The following UBA2 variants were observed in gnomAD, a reference collection of about 807,000 sequenced individuals.
The protein encoded by UBA2 is ubiquitin like modifier activating enzyme 2.
In UBA2, 11 loss-of-function variants were observed where a neutral mutation model predicts 77.2. That is an observed-to-expected ratio of 0.14 (90% CI 0.09 to 0.24). The LOEUF is 0.24. Ranked by LOEUF, UBA2 falls within the 10% of genes least tolerant of loss-of-function variation. UBA2 has a pLI of 1.00. For missense variants in UBA2, 487 were observed against 781.7 expected (o/e 0.62, Z 4.50); for synonymous variants, 278 against 276.7 (o/e 1.00, Z -0.05).
At chr19:34,434,565 G>GAA (rs1287790219) in intron 4 of UBA2, among the ~76,000 whole-genome samples, 5 of 152,188 alleles carry the variant, frequency 3.3e-5, no homozygotes, top group African/African-American at 7.2e-5. Flanking sequence ...GGAACACCTT[G>GAA]AAACAGTGTT....
At chr19:34,459,849 A>G (rs2075611279) in intron 13 of UBA2, among the ~76,000 whole-genome samples, 1 of 152,156 alleles carries the variant, frequency 6.6e-6, no homozygotes, top group Non-Finnish European at 1.5e-5. Flanking sequence ...ATTTGAGCTT[A>G]TGTTTTGGTC....
In UBA2 at chr19:34,460,435, G is replaced by A. The variant is rs753868994; in HGVS notation, c.1402-35G>A. On this transcript the variant is annotated intron_variant, in intron 13 of 16. Coordinates refer to ENST00000246548, the MANE Select transcript of UBA2 (RefSeq NM_005499.3). ...TTTCTTATGATCTTTAATTACCTAC[G>A]TTAATATTTTGAATCCTTTTTTTTT... The A allele has an allele frequency of 1.0e-5, 14 of 1,333,842 alleles. No individual in the cohort carries two copies. The Admixed American group carries it at 1.3e-4, about 12-fold the overall frequency. 82.6% of individuals were successfully genotyped at this position (1,333,842 alleles called of 1,614,324 possible).
At chr19:34,467,118 GGT>G in intron 16 of UBA2, 104 bp downstream of exon 16, 1 of 1,336,792 alleles carries the variant, frequency 7.5e-7, no homozygotes, top group Non-Finnish European at 1.0e-6. Flanking sequence ...AACTACTAGA[GGT>G]GTGTATTGGT....
At chr19:34,466,771 C>T in intron 15 of UBA2, 107 bp from the exon 16 acceptor site, 1 of 790,968 alleles carries the variant, frequency 1.3e-6, no homozygotes, top group Non-Finnish European at 1.9e-6. Flanking sequence ...TTAGAATCCA[C>T]ATATTTGGTG....
rs767467878 is a variant in UBA2 at position 34,452,136 on chromosome 19, A to C, written c.1027A>C (p.Ile343Leu). The change falls in exon 10 of 17, where the codon ATA (isoleucine) becomes CTA (leucine). Residue 343 changes from isoleucine to leucine, a missense_variant. By Grantham distance (5) the Ile-to-Leu change is conservative. Around this residue, in one of 9 missense-constraint regions of UBA2, gnomAD observed 300 missense variants for 454.3 expected, o/e 0.66. Coordinates refer to ENST00000246548, the MANE Select transcript of UBA2 (RefSeq NM_005499.3). ...AGAAAAGGGGGATGGAGCTGAGCTC[A>C]TATGGGATAAGGTTCGTTTTGACAA... ...LAEKGDGAEL[I>L]WDKDDPSAMD... The C allele has an allele frequency of 1.9e-6, 3 of 1,600,230 alleles. No homozygotes were observed. The Admixed American group carries it at 5.1e-5, about 27-fold the overall frequency.
chr19:34,457,740 A>G (rs2075584145), intron 12 of UBA2, among the ~76,000 whole-genome samples: 1 of 152,152 alleles, frequency 6.6e-6, no homozygotes, highest in South Asian at 2.1e-4. Context: ...TGTAGTCACA[A>G]GATAAAGGTT....
chr19:34,459,125 G>A (rs1019498633), intron 13 of UBA2, among the ~76,000 whole-genome samples: 1 of 152,192 alleles, frequency 6.6e-6, no homozygotes, highest in Non-Finnish European at 1.5e-5. Context: ...CCAGAATGGA[G>A]TAGGAGTATT....
chr19:34,454,407 A>T (rs1213315604), intron 11 of UBA2, 37 bp from the exon 12 acceptor site: 2 of 1,582,532 alleles, frequency 1.3e-6, no homozygotes, highest in Non-Finnish European at 1.7e-6. Context: ...TGTTTTTTAA[A>T]CAGTGAAACA....
intron 15 of UBA2, among the ~76,000 whole-genome samples, chr19:34,466,340 A>G (rs910359413): frequency 6.6e-6 from 1 of 152,212 alleles, no homozygotes; most frequent in Non-Finnish European, 1.5e-5. Context: ...CGTCTCGAAA[A>G]AAAGAAAAAG....
chr19:34,442,588 C>A (rs962862832), intron 6 of UBA2, among the ~76,000 whole-genome samples: 1 of 152,144 alleles, frequency 6.6e-6, no homozygotes, highest in Non-Finnish European at 1.5e-5. Context: ...TCTGCCACCA[C>A]GCCCAGCTAA....
At chr19:34,459,004 C>G in intron 13 of UBA2, 80 bp downstream of exon 13, 3 of 1,401,892 alleles carry the variant, frequency 2.1e-6, no homozygotes, top group Non-Finnish European at 1.9e-6. Flanking sequence ...GCTGCTGATT[C>G]TGAAAAGGTC....
chr19:34,467,887 A>G (rs2075704406), intron 16 of UBA2, among the ~76,000 whole-genome samples: 1 of 152,224 alleles, frequency 6.6e-6, no homozygotes, highest in Non-Finnish European at 1.5e-5. Context: ...ACTAGTGTGC[A>G]AAGTCAGCCT....
chr19:34,456,106 C>CTTTTTTTTTTTTTTTTTTTT (rs869130576), intron 12 of UBA2, among the ~76,000 whole-genome samples: 1 of 73,628 alleles, frequency 1.4e-5, no homozygotes, highest in Non-Finnish European at 3.4e-5. Flanking sequence ...TTTTCTTTTT[C>CTTTTTTTTTTTTTTTTTTTT]TTTTTTTTTT....
chr19:34,456,232 A>G (rs957741969), intron 12 of UBA2, among the ~76,000 whole-genome samples: 3 of 146,584 alleles, frequency 2.0e-5, no homozygotes, highest in Non-Finnish European at 4.5e-5. Context: ...CTCCTGCCTC[A>G]GCCTCTCAAG....
At chr19:34,449,065 CTTTTTTTTTTTTT>C (rs11332668) in intron 8 of UBA2, among the ~76,000 whole-genome samples, 1 of 73,818 alleles carries the variant, frequency 1.4e-5, no homozygotes, top group Non-Finnish European at 2.4e-5. Flanking sequence ...AAATATAAAT[CTTTTTTTTTTTTT>C]TTTTTTTTTT....
chr19:34,447,881 T>A (rs991408292), intron 8 of UBA2, among the ~76,000 whole-genome samples: 2 of 152,098 alleles, frequency 1.3e-5, no homozygotes, highest in African/African-American at 2.4e-5. Context: ...CTTGAAAGAA[T>A]AAGAGTCAGA....
chr19:34,461,182 G>A (rs1230638676), intron 14 of UBA2, among the ~76,000 whole-genome samples: 1 of 152,068 alleles, frequency 6.6e-6, no homozygotes, highest in Admixed American at 6.6e-5. Flanking sequence ...TGCTGTTCTC[G>A]TTTTTTCCAT....
At position 34,428,399 on chromosome 19, in the gene UBA2, C is replaced by T. The variant is rs2075209143; in HGVS notation, c.-34C>T. The T allele has an allele frequency of 3.4e-5, 42 of 1,237,082 alleles. No homozygotes were observed. Among genetic ancestry groups the T allele is most frequent in the Non-Finnish European group, 4.1e-5 (41 of 989,348 alleles). 76.6% of individuals were successfully genotyped at this position (1,237,082 alleles called of 1,614,324 possible). On this transcript the variant is annotated 5_prime_UTR_variant, in exon 1 of 17. Transcript: ENST00000246548. ...TCCGGCCGCGGCTCGGTTCTCCCGC[C>T]TCCGCCTCCGCCGCGGCTCGTGGTT...
At chr19:34,444,011 A>C in intron 7 of UBA2, 100 bp downstream of exon 7, 1 of 498,670 alleles carries the variant, frequency 2.0e-6, no homozygotes, top group South Asian at 2.0e-5. Flanking sequence ...TATATGTGCT[A>C]GGTAATGTGT....
Sources: allele counts gnomAD v4.1 joint callset (sites outside exome capture counted in the v4.1 genomes callset), GRCh38; gene constraint gnomAD v4.1.1; regional missense constraint gnomAD v4.1.1; transcripts MANE v1.5; gene names NCBI Gene and HGNC (gene_info 2026-07-23, HGNC 2026-07-21).